The following PXDNL variants were observed in gnomAD, a reference collection of about 807,000 sequenced individuals.
PXDNL encodes the protein peroxidasin like.
Under a neutral mutation model 150.8 loss-of-function variants are expected in PXDNL, and 145 were observed. That is an observed-to-expected ratio of 0.96 (90% CI 0.84 to 1.10). The LOEUF is 1.10. PXDNL is among the 50% of genes least tolerant of loss of function. The pLI, the probability that PXDNL is intolerant of heterozygous loss-of-function variation, is 0.00. For synonymous variants in PXDNL, 757 were observed against 725.7 expected, an observed-to-expected ratio of 1.04 and a Z score of -0.69; for missense variants, 2,087 against 1,873.9, an observed-to-expected ratio of 1.11 and a Z score of -2.10.
At chr8:51,333,277 C>A (rs1487208066) in intron 21 of PXDNL, among the ~76,000 whole-genome samples, 1 of 140,038 alleles carries the variant, frequency 7.1e-6, no homozygotes, top group Admixed American at 7.0e-5. Context: ...CATTTTCAGG[C>A]AAACAAATGC....
At chr8:51,494,787 T>A (rs1811004585) in intron 5 of PXDNL, among the ~76,000 whole-genome samples, 1 of 151,832 alleles carries the variant, frequency 6.6e-6, no homozygotes, top group Admixed American at 6.6e-5. Context: ...AAGCAAGTAC[T>A]TAGAGACCTA....
At chr8:51,593,317 C>T (rs1813488940) in intron 2 of PXDNL, among the ~76,000 whole-genome samples, 1 of 152,080 alleles carries the variant, frequency 6.6e-6, no homozygotes, top group Non-Finnish European at 1.5e-5. Flanking sequence ...ACCTTGAAAG[C>T]TTCAGTAAAA....
chr8:51,552,882 T>G (rs1288178264), intron 4 of PXDNL, among the ~76,000 whole-genome samples: 11 of 152,120 alleles, frequency 7.2e-5, no homozygotes, highest in Non-Finnish European at 1.5e-4. Flanking sequence ...AAATCAGATA[T>G]GGGTGAGACT....
At chr8:51,573,501 C>T (rs544863168) in intron 3 of PXDNL, among the ~76,000 whole-genome samples, 2 of 152,062 alleles carry the variant, frequency 1.3e-5, no homozygotes, top group East Asian at 3.9e-4. Context: ...CAGTGCAGTT[C>T]ATATGGGGAG....
chr8:51,763,254 T>TTGTC (rs1445984259), intron 1 of PXDNL, among the ~76,000 whole-genome samples: 3 of 152,084 alleles, frequency 2.0e-5, no homozygotes, highest in East Asian at 3.9e-4. Flanking sequence ...ATCATCCATG[T>TTGTC]TGTCGTGCAT....
At chr8:51,668,176 C>CTCTCTTTTTT (rs1554564343) in intron 1 of PXDNL, among the ~76,000 whole-genome samples, 1 of 77,386 alleles carries the variant, frequency 1.3e-5, no homozygotes, top group Non-Finnish European at 2.2e-5. Context: ...CTCGCTCTCT[C>CTCTCTTTTTT]TTTTTTTTTT....
At chr8:51,379,307 A>G (rs1807460182) in intron 17 of PXDNL, among the ~76,000 whole-genome samples, 1 of 152,146 alleles carries the variant, frequency 6.6e-6, no homozygotes, top group Non-Finnish European at 1.5e-5. Context: ...GTGGTGAGAG[A>G]TTTAGAAGTA....
At chr8:51,394,602 C>G (rs1586067075) in intron 17 of PXDNL, among the ~76,000 whole-genome samples, 1 of 152,328 alleles carries the variant, frequency 6.6e-6, no homozygotes, top group East Asian at 1.9e-4. Context: ...CTATTCCACT[C>G]TGCCAGGTAG....
intron 2 of PXDNL, among the ~76,000 whole-genome samples, chr8:51,645,225 G>A (rs1296466347): frequency 6.6e-6 from 1 of 152,070 alleles, no homozygotes; most frequent in Admixed American, 6.6e-5. Context: ...TTTGTTCTAT[G>A]CAGGCCCTCA....
intron 4 of PXDNL, among the ~76,000 whole-genome samples, chr8:51,528,747 G>A (rs532434246): frequency 6.6e-6 from 1 of 152,238 alleles, no homozygotes; most frequent in African/African-American, 2.4e-5. Flanking sequence ...ACTCTTGCTG[G>A]TTTTGAAGCT....
At chr8:51,596,511 C>T (rs549842778) in intron 2 of PXDNL, among the ~76,000 whole-genome samples, 1 of 152,278 alleles carries the variant, frequency 6.6e-6, no homozygotes, top group African/African-American at 2.4e-5. Context: ...TTTACTTTCC[C>T]ATCAACACTG....
intron 17 of PXDNL, among the ~76,000 whole-genome samples, chr8:51,381,271 A>C (rs753548135): frequency 6.6e-6 from 1 of 152,162 alleles, no homozygotes; most frequent in Non-Finnish European, 1.5e-5. Context: ...ACTTTTTCTG[A>C]AACTCTTCTT....
At chr8:51,733,244 C>T (rs1171634364) in intron 1 of PXDNL, among the ~76,000 whole-genome samples, 1 of 152,202 alleles carries the variant, frequency 6.6e-6, no homozygotes, top group Non-Finnish European at 1.5e-5. Flanking sequence ...CACTAGCATT[C>T]TGAAGAATAC....
intron 2 of PXDNL, among the ~76,000 whole-genome samples, chr8:51,623,544 C>T (rs1814301068): frequency 6.6e-6 from 1 of 152,128 alleles, no homozygotes; most frequent in South Asian, 2.1e-4. Context: ...TGTAATTATG[C>T]ATTCTCTGCC....
intron 1 of PXDNL, among the ~76,000 whole-genome samples, chr8:51,775,811 A>G (rs767978651): frequency 6.6e-6 from 1 of 152,244 alleles, no homozygotes; most frequent in Non-Finnish European, 1.5e-5. Context: ...TGAAAAAAGA[A>G]CAGGATAACA....
chr8:51,448,157 C>T (rs1243423701), intron 11 of PXDNL, among the ~76,000 whole-genome samples: 1 of 152,168 alleles, frequency 6.6e-6, no homozygotes, highest in East Asian at 1.9e-4. Context: ...TTCCCAAGCC[C>T]GGAGGAACCT....
chr8:51,320,144 G>T (rs1182086012), intron 22 of PXDNL, 122 bp from the exon 23 acceptor site: 4 of 898,560 alleles, frequency 4.5e-6, no homozygotes, highest in Non-Finnish European at 4.5e-6. Flanking sequence ...AATAAAAAAT[G>T]CTCATAGTAT....
intron 22 of PXDNL, 135 bp from the exon 23 acceptor site, chr8:51,320,157 G>T: frequency 1.4e-6 from 1 of 713,614 alleles, no homozygotes; most frequent in Non-Finnish European, 2.0e-6. Flanking sequence ...CATAGTATGA[G>T]CTCATTTTTG....
At chr8:51,806,415 C>T (rs553823070) in intron 1 of PXDNL, among the ~76,000 whole-genome samples, 1 of 152,174 alleles carries the variant, frequency 6.6e-6, no homozygotes, top group African/African-American at 2.4e-5. Flanking sequence ...GGGAGAAATT[C>T]ATTCAGCTTC....
Sources: allele counts gnomAD v4.1 joint callset (sites outside exome capture counted in the v4.1 genomes callset), GRCh38; gene constraint gnomAD v4.1.1; transcripts MANE v1.5; gene names NCBI Gene and HGNC (gene_info 2026-07-23, HGNC 2026-07-21).